CDH13: variants seen among roughly 807,000 people sequenced by gnomAD.
CDH13 encodes cadherin-13.
CDH13 carries 24 observed loss-of-function variants against 63.8 expected under a neutral mutation model. The observed-to-expected ratio is 0.38, with a 90% CI of 0.27 to 0.53. CDH13 has a LOEUF of 0.53. CDH13 is among the 20% of genes least tolerant of loss of function. The pLI is 0.85. For synonymous variants in CDH13, 503 were observed against 355.3 expected (o/e 1.42, Z -4.67); for missense variants, 1,049 against 903.1 (o/e 1.16, Z -2.07).
At position 82,780,558 on chromosome 16, in the gene CDH13, T is replaced by C. The variant is rs1190771895; in HGVS notation, c.46-77804T>C. Among the ~76,000 whole-genome samples the C allele has an allele frequency of 2.6e-5, 4 of 152,212 alleles. No individual in the cohort carries two copies. The East Asian group carries it at 7.7e-4, about 29-fold the overall frequency. ...GACATTTTGTAATTATCACTATCTA[T>C]AATTTTCATCTTATCCCATTTAATA... is the stretch of plus-strand genomic sequence containing the variant. On this transcript the variant is annotated intron_variant, in intron 1 of 13. Coordinates refer to ENST00000567109, the MANE Select transcript of CDH13 (RefSeq NM_001257.5).
intron 1 of CDH13, among the ~76,000 whole-genome samples, chr16:82,728,965 C>G (rs952200986): frequency 6.6e-6 from 1 of 152,174 alleles, no homozygotes; most frequent in Non-Finnish European, 1.5e-5. Flanking sequence ...TCTCAAGAAA[C>G]CACTTTCTTG....
chr16:83,793,656 T>G (rs1236738345), intron 13 of CDH13, among the ~76,000 whole-genome samples: 1 of 152,056 alleles, frequency 6.6e-6, no homozygotes, highest in Non-Finnish European at 1.5e-5. Context: ...ACATGTTACC[T>G]TATATGGCAA....
intron 8 of CDH13, among the ~76,000 whole-genome samples, chr16:83,619,640 G>A (rs1011859540): frequency 6.6e-6 from 1 of 151,898 alleles, no homozygotes; most frequent in African/African-American, 2.4e-5. Flanking sequence ...CATCCCCCCA[G>A]TTCCTGCCTC....
intron 7 of CDH13, among the ~76,000 whole-genome samples, chr16:83,522,151 C>G (rs1485295742): frequency 6.6e-6 from 1 of 152,202 alleles, no homozygotes; most frequent in African/African-American, 2.4e-5. Flanking sequence ...TTAGAGGAGC[C>G]AGCTCTGGCT....
chr16:83,286,792 A>G (rs1006021741), intron 5 of CDH13, among the ~76,000 whole-genome samples: 1 of 149,848 alleles, frequency 6.7e-6, no homozygotes, highest in Non-Finnish European at 1.5e-5. Context: ...ATTTATATAT[A>G]TATACACACA....
chr16:82,692,652 TGA>T (rs1915755535), intron 1 of CDH13, among the ~76,000 whole-genome samples: 1 of 152,214 alleles, frequency 6.6e-6, no homozygotes, highest in Non-Finnish European at 1.5e-5. Context: ...AGAAACCTTC[TGA>T]GAGGATGCCT....
At chr16:83,145,328 A>C (rs538897582) in intron 4 of CDH13, among the ~76,000 whole-genome samples, 1 of 152,174 alleles carries the variant, frequency 6.6e-6, no homozygotes. Context: ...GTTGTTTGAA[A>C]CCCAACAGTT....
rs113708054 is a variant in CDH13 at position 82,786,605 on chromosome 16, G to A, written c.46-71757G>A. ...TGTGCCATGTTGGTGTGCTGCACCC[G>A]TTACCTCATCATTTACATTAGGTAT... On this transcript the variant is annotated intron_variant, in intron 1 of 13. Coordinates refer to ENST00000567109, the MANE Select transcript of CDH13 (RefSeq NM_001257.5). Among the ~76,000 whole-genome samples the A allele has an allele frequency of 2.8e-3, 418 of 151,180 alleles. 2 individuals are homozygous for A. The highest frequency in any genetic ancestry group is 9.7e-3 in the African/African-American group (397 of 41,082).
At chr16:83,133,215 G>C (rs1034135606) in intron 4 of CDH13, among the ~76,000 whole-genome samples, 1 of 152,150 alleles carries the variant, frequency 6.6e-6, no homozygotes, top group Non-Finnish European at 1.5e-5. Flanking sequence ...TCTATTTACA[G>C]ATAAAATATT....
intron 1 of CDH13, among the ~76,000 whole-genome samples, chr16:82,849,258 C>G (rs1036006070): frequency 2.0e-5 from 3 of 152,176 alleles, no homozygotes; most frequent in Non-Finnish European, 4.4e-5. Context: ...GATTCCAGCA[C>G]TTTCGGAGAC....
At chr16:82,767,344 A>C (rs1016587062) in intron 1 of CDH13, among the ~76,000 whole-genome samples, 4 of 152,140 alleles carry the variant, frequency 2.6e-5, no homozygotes, top group African/African-American at 9.7e-5. Flanking sequence ...ATTGTTTTCT[A>C]TCTTGGATTA....
Position 83,028,833 on chromosome 16 carries a change from G to C in CDH13, c.158-3177G>C, listed in dbSNP as rs371799295. On this transcript the variant is annotated intron_variant, in intron 2 of 13. Coordinates refer to ENST00000567109, the MANE Select transcript of CDH13 (RefSeq NM_001257.5). Reference sequence around the variant, plus strand: ...TGGAATTGAAGAAAGCCAAGCCATGGAGATGGGGGAACTACTGTATTCAGG... The same window carrying C: ...TGGAATTGAAGAAAGCCAAGCCATGCAGATGGGGGAACTACTGTATTCAGG... Among the ~76,000 whole-genome samples the C allele has an allele frequency of 2.6e-5, 4 of 152,268 alleles. No homozygotes were observed. In the East Asian group the frequency reaches 7.7e-4, roughly 29 times the overall value.
At chr16:83,653,525 G>T (rs1397196514) in intron 8 of CDH13, among the ~76,000 whole-genome samples, 1 of 151,736 alleles carries the variant, frequency 6.6e-6, no homozygotes, top group Non-Finnish European at 1.5e-5. Context: ...CACAAAAGCT[G>T]AGAAAATTAA....
At chr16:83,477,402 G>C (rs1344903340) in intron 6 of CDH13, among the ~76,000 whole-genome samples, 2 of 152,166 alleles carry the variant, frequency 1.3e-5, no homozygotes, top group East Asian at 3.9e-4. Context: ...GAGACACTTA[G>C]GACTGTTTTT....
intron 2 of CDH13, among the ~76,000 whole-genome samples, chr16:82,966,189 C>A (rs1298697885): frequency 1.3e-5 from 2 of 152,194 alleles, no homozygotes; most frequent in Non-Finnish European, 2.9e-5. Context: ...CGGTCTGTCG[C>A]CCAGGCTGGA....
chr16:83,563,901 G>C (rs971952804), intron 7 of CDH13, among the ~76,000 whole-genome samples: 7 of 152,122 alleles, frequency 4.6e-5, no homozygotes, highest in Admixed American at 3.3e-4. Context: ...TGAAGTTACT[G>C]TGAGTGCACA....
At chr16:83,499,252 T>C (rs922893785) in intron 7 of CDH13, among the ~76,000 whole-genome samples, 1 of 152,190 alleles carries the variant, frequency 6.6e-6, no homozygotes, top group African/African-American at 2.4e-5. Context: ...TATCAGCAGG[T>C]GGTTTGCAAA....
chr16:83,312,837 T>G (rs911101413), intron 5 of CDH13, among the ~76,000 whole-genome samples: 1 of 152,150 alleles, frequency 6.6e-6, no homozygotes, highest in Admixed American at 6.5e-5. Context: ...CAGCAGCTTG[T>G]GAGTGTGGGG....
intron 2 of CDH13, among the ~76,000 whole-genome samples, chr16:82,987,594 C>T (rs967026760): frequency 3.3e-5 from 5 of 152,138 alleles, no homozygotes; most frequent in Non-Finnish European, 5.9e-5. Flanking sequence ...CCAGGCTGGT[C>T]TCAAACTCCT....
Sources: allele counts gnomAD v4.1 joint callset (sites outside exome capture counted in the v4.1 genomes callset), GRCh38; gene constraint gnomAD v4.1.1; transcripts MANE v1.5; gene names NCBI Gene and HGNC (gene_info 2026-07-23, HGNC 2026-07-21).